NTAN1: variants seen among roughly 807,000 people sequenced by gnomAD.
The protein encoded by NTAN1 is N-terminal asparagine amidase.
Under a neutral mutation model 41.9 loss-of-function variants are expected in NTAN1, and 32 were observed. The ratio of observed to expected loss-of-function variants is 0.76; its 90% confidence interval spans 0.58 to 1.03. The LOEUF (loss-of-function observed/expected upper bound fraction) is 1.03. Ranked by LOEUF, NTAN1 falls within the 50% of genes least tolerant of loss-of-function variation. The pLI is 0.00. For synonymous variants in NTAN1, 140 were observed against 139.5 expected (o/e 1.00, Z -0.03); for missense variants, 377 against 377.5 (o/e 1.00, Z 0.01).
intron 1 of NTAN1, among the ~76,000 whole-genome samples, chr16:15,054,694 T>G (rs189158085): frequency 6.6e-6 from 1 of 152,184 alleles, no homozygotes; most frequent in South Asian, 2.1e-4. Flanking sequence ...AGGGGTCATT[T>G]TGTGACCTCA....
Position 15,048,054 on chromosome 16 carries a change from G to A in NTAN1, c.127C>T (p.Pro43Ser). The A allele has an allele frequency of 1.2e-6, 2 of 1,613,366 alleles. No individual in the cohort carries two copies. The highest frequency in any genetic ancestry group is 1.7e-6 in the Non-Finnish European group (2 of 1,179,342). The change falls in exon 2 of 10, where the codon CCC becomes TCC. Residue 43 changes from proline to serine, a missense_variant. Pro to Ser is a moderately conservative substitution (Grantham distance 74, BLOSUM62 -1). Transcript: ENST00000287706. ...TGCTGAACATACAGAAGGCCCTGGG[G>A]TCCCACTTGTTGAACAGACTGACCT... ...LRGQSVQQVG[P>S]QGLLYVQQRE...
rs1186539064 is a variant in NTAN1 at position 15,055,934 on chromosome 16, G to A, written c.38C>T (p.Pro13Leu). Residue 13 changes from proline (P) to leucine (L), a missense_variant, in exon 1 of 10, where the codon CCG (proline) becomes CTG (leucine). Pro to Leu is a moderately conservative substitution (Grantham distance 98, BLOSUM62 -3). Transcript: ENST00000287706. Reference sequence around the variant, plus strand: ...TCGGACGAGGTCCCCGGCTGACTGCGGCAGCCGCACTCGCCGCCCCTCGAC... The same window carrying A: ...TCGGACGAGGTCCCCGGCTGACTGCAGCAGCCGCACTCGCCGCCCCTCGAC... ...LLVEGRRVRLPQSAGDLVRAH... is the reference protein window; with the variant it reads ...LLVEGRRVRLLQSAGDLVRAH... The A allele has an allele frequency of 1.2e-5, 15 of 1,232,684 alleles. No individual in the cohort carries two copies. Among genetic ancestry groups the A allele is most frequent in the East Asian group, 3.2e-5 (1 of 31,608 alleles). 76.4% of individuals were successfully genotyped at this position (1,232,684 alleles called of 1,614,324 possible). A position where few individuals can be genotyped will look rare whatever the true frequency, so the allele number is the denominator to read the frequency against.
intron 5 of NTAN1, among the ~76,000 whole-genome samples, chr16:15,042,054 T>A (rs1326854059): frequency 1.3e-5 from 2 of 152,198 alleles, no homozygotes; most frequent in African/African-American, 2.4e-5. Flanking sequence ...CTGTAACAGA[T>A]CTGAAAAATA....
intron 3 of NTAN1, 21 bp from the exon 4 acceptor site, chr16:15,047,571 G>T (rs368185470): frequency 1.9e-6 from 3 of 1,546,306 alleles, no homozygotes; most frequent in Non-Finnish European, 2.7e-6. Flanking sequence ...AGGGTGAAAG[G>T]ACTCAAGTTA....
chr16:15,052,780 G>A (rs147012009), intron 1 of NTAN1, among the ~76,000 whole-genome samples: 5,413 of 152,098 alleles, frequency 0.036, 151 homozygotes, highest in Non-Finnish European at 0.055. Flanking sequence ...AGCCAAGATC[G>A]TGCCATTGCA....
intron 4 of NTAN1, chr16:15,045,408 A>C (rs1442021458): frequency 6.6e-6 from 1 of 151,806 alleles, no homozygotes; most frequent in African/African-American, 2.4e-5. Flanking sequence ...CAGAGGTTGC[A>C]GTGAGCCAAG....
chr16:15,042,586 T>C (rs770003720), intron 5 of NTAN1, among the ~76,000 whole-genome samples: 6 of 152,206 alleles, frequency 3.9e-5, no homozygotes, highest in Non-Finnish European at 7.3e-5. Context: ...TAATTATTAT[T>C]CTGATGACAC....
intron 9 of NTAN1, 178 bp downstream of exon 9, chr16:15,038,396 T>G (rs532258601): frequency 1.6e-6 from 1 of 625,924 alleles, no homozygotes; most frequent in East Asian, 2.8e-5. Context: ...CATTTCCATC[T>G]AGGACTTGAC....
chr16:15,046,504 C>T (rs538246542), intron 4 of NTAN1, among the ~76,000 whole-genome samples: 8 of 152,162 alleles, frequency 5.3e-5, no homozygotes, highest in African/African-American at 1.7e-4. Flanking sequence ...ATGGAGGCAG[C>T]GGCTACTTTA....
At chr16:15,046,739 G>A (rs1418884962) in intron 4 of NTAN1, among the ~76,000 whole-genome samples, 2 of 148,464 alleles carry the variant, frequency 1.3e-5, no homozygotes, top group East Asian at 4.0e-4. Flanking sequence ...GCTGGGTATG[G>A]TGGTGTACAC....
chr16:15,055,076 C>T (rs1403692575), intron 1 of NTAN1, among the ~76,000 whole-genome samples: 2 of 152,050 alleles, frequency 1.3e-5, no homozygotes, highest in East Asian at 3.9e-4. Flanking sequence ...AGTACGTTGC[C>T]CAACAGATAT....
At chr16:15,043,786 A>G (rs1194400347) in intron 5 of NTAN1, among the ~76,000 whole-genome samples, 1 of 152,110 alleles carries the variant, frequency 6.6e-6, no homozygotes, top group African/African-American at 2.4e-5. Flanking sequence ...CATTTCTACC[A>G]AAAATACAAA....
chr16:15,051,909 C>G (rs1020537724), intron 1 of NTAN1, among the ~76,000 whole-genome samples: 2 of 152,042 alleles, frequency 1.3e-5, no homozygotes, highest in African/African-American at 2.4e-5. Context: ...TTTAGCCAAA[C>G]TTCCCTTCTT....
chr16:15,047,751 A>C, intron 3 of NTAN1, 104 bp downstream of exon 3: 1 of 1,044,006 alleles, frequency 9.6e-7, no homozygotes, highest in Non-Finnish European at 1.5e-6. Flanking sequence ...AGGTAAGCGG[A>C]GTCCGCTTCC....
chr16:15,040,787 T>C (rs1357984876), intron 7 of NTAN1, among the ~76,000 whole-genome samples: 1 of 152,196 alleles, frequency 6.6e-6, no homozygotes, highest in Non-Finnish European at 1.5e-5. Context: ...AACCAGGCAC[T>C]TTCCCAGCTC....
chr16:15,043,965 G>A (rs1367398720), intron 5 of NTAN1, among the ~76,000 whole-genome samples: 8 of 152,010 alleles, frequency 5.3e-5, no homozygotes, highest in Non-Finnish European at 1.0e-4. Context: ...GAAAAAAAAA[G>A]AAAAAATTTG....
chr16:15,044,410 G>A lies in NTAN1; in HGVS notation c.360-3C>T, dbSNP rs1213091676. ...CTCCAACAAGGTGTACTTCCAGCCTGGCAAAGAGATGAGACGGGTCAGAGG... is the reference window on the plus strand; with the variant it reads ...CTCCAACAAGGTGTACTTCCAGCCTAGCAAAGAGATGAGACGGGTCAGAGG... On this transcript the variant is annotated splice_polypyrimidine_tract_variant and splice_region_variant and intron_variant, in intron 4 of 9. Transcript: ENST00000287706. The A allele has an allele frequency of 1.2e-6, 2 of 1,610,770 alleles. No individual in the cohort carries two copies. The highest frequency in any genetic ancestry group is 1.7e-6 in the Non-Finnish European group (2 of 1,176,960).
Position 15,042,977 on chromosome 16 carries a change from C to T in NTAN1, c.434-1301G>A, listed in dbSNP as rs199661434. ...GTGCAATGGTGTGATCTCAGCTCACCGCAACCTATACCTCCCGGGTTCAAG... is the reference window on the plus strand; with the variant it reads ...GTGCAATGGTGTGATCTCAGCTCACTGCAACCTATACCTCCCGGGTTCAAG... On this transcript the variant is annotated intron_variant, in intron 5 of 9. Coordinates refer to ENST00000287706, the MANE Select transcript of NTAN1 (RefSeq NM_173474.4). Among the ~76,000 whole-genome samples, 47 of 151,052 alleles carry T rather than the reference C, an allele frequency of 3.1e-4. No individual in the cohort carries two copies. In the East Asian group the frequency reaches 8.6e-3, roughly 28 times the overall value.
At chr16:15,055,624 G>T in intron 1 of NTAN1, 1 of 327,306 alleles carries the variant, frequency 3.1e-6, no homozygotes, top group Non-Finnish European at 5.6e-6. Flanking sequence ...CCGAGCCGCA[G>T]TGCTGTGCGA....
Sources: gnomAD v4.1 joint callset for allele counts (sites outside exome capture counted in the v4.1 genomes callset) on GRCh38, gnomAD v4.1.1 for gene constraint, MANE v1.5 for transcripts, NCBI Gene and HGNC (gene_info 2026-07-23, HGNC 2026-07-21) for gene names.